IFT140: variants seen among roughly 807,000 people sequenced by gnomAD.
IFT140 encodes intraflagellar transport 140.
A neutral mutation model predicts 164.6 loss-of-function variants in IFT140; 133 were observed. The ratio of observed to expected loss-of-function variants is 0.81; its 90% CI spans 0.70 to 0.93. IFT140 has a LOEUF of 0.93. Among genes scored for constraint, IFT140 ranks in the 40% least tolerant of loss-of-function variants. The pLI is 0.00. For synonymous variants in IFT140, 860 were observed against 817.3 expected (o/e 1.05, Z -0.89); for missense variants, 2,045 against 1,972.3 (o/e 1.04, Z -0.70).
At chr16:1,598,874 C>T (rs1467483784) in intron 4 of IFT140, among the ~76,000 whole-genome samples, 1 of 149,548 alleles carries the variant, frequency 6.7e-6, no homozygotes, top group East Asian at 2.0e-4. Context: ...CCTGGCCGCC[C>T]ATCGTCTGGG....
In IFT140 at chr16:1,525,915, T is replaced by G; in HGVS notation, c.2740A>C (p.Ser914Arg). Residue 914 changes from serine (S) to arginine (R), a missense_variant, in exon 21 of 31, where the codon AGC becomes CGC. Coordinates refer to ENST00000426508, the MANE Select transcript of IFT140 (RefSeq NM_014714.4). ...YHRYAGHLEA[S>R]ADCSRALSYY... ...CTGAGGGCCCGGCTGCAGTCGGCGCTGGCCTCCAGGTGCCCGGCATAGCGG... is the reference window on the plus strand; with the variant it reads ...CTGAGGGCCCGGCTGCAGTCGGCGCGGGCCTCCAGGTGCCCGGCATAGCGG... The G allele has an allele frequency of 1.3e-6, 2 of 1,561,970 alleles. No homozygotes were observed. The highest frequency in any genetic ancestry group is 1.7e-6 in the Non-Finnish European group (2 of 1,155,106).
intron 13 of IFT140, among the ~76,000 whole-genome samples, chr16:1,572,576 G>A (rs949176411): frequency 3.3e-5 from 5 of 152,326 alleles, no homozygotes; most frequent in Admixed American, 6.5e-5. Flanking sequence ...GACCCGGGAG[G>A]TGGAGCTTGC....
Position 1,558,011 on chromosome 16 carries a change from C to A in IFT140, c.2323G>T (p.Ala775Ser). Residue 775 changes from alanine (A) to serine (S), a missense_variant, in exon 19 of 31, where the codon GCC (alanine) becomes TCC (serine). By Grantham distance (99) the Ala-to-Ser change is moderately conservative. Coordinates refer to ENST00000426508, the MANE Select transcript of IFT140 (RefSeq NM_014714.4). ...ACAAAGAAGCTGAAGTGGAGCATGG[C>A]GTCCCGGGTGGCCTTGTCGCAGTCC... ...LEDCDKATRDAMLHFSFFVTI... is the reference protein window; with the variant it reads ...LEDCDKATRDSMLHFSFFVTI... The A allele has an allele frequency of 6.2e-7, 1 of 1,613,946 alleles. No individual in the cohort carries two copies. Among genetic ancestry groups the A allele is most frequent in the Non-Finnish European group, 8.5e-7 (1 of 1,180,044 alleles).
chr16:1,586,184 G>C lies in IFT140; in HGVS notation c.1101C>G (p.Asp367Glu), dbSNP rs1356831625. The C allele has an allele frequency of 6.2e-7, 1 of 1,614,066 alleles. No homozygotes were observed. Among genetic ancestry groups the C allele is most frequent in the Non-Finnish European group, 8.5e-7 (1 of 1,180,018 alleles). ...CGGTAGGGGTCTGAAGGGCCCACCTGTCCTTGCCCTCTGCCCCGGGGCTGC... is the reference window on the plus strand; with the variant it reads ...CGGTAGGGGTCTGAAGGGCCCACCTCTCCTTGCCCTCTGCCCCGGGGCTGC... ...FLGSPGAEGK[D>E]RWALQTPTEL... Residue 367 changes from aspartate (D) to glutamate (E), a missense_variant, in exon 10 of 31, where the codon GAC (aspartate) becomes GAG (glutamate). By Grantham distance (45) the Asp-to-Glu change is conservative (BLOSUM62 2). Coordinates refer to ENST00000426508, the MANE Select transcript of IFT140 (RefSeq NM_014714.4).
chr16:1,534,588 G>A lies in IFT140; in HGVS notation c.2400-7792C>T, dbSNP rs540365410. The A allele has an allele frequency of 2.4e-5, 38 of 1,598,612 alleles. No homozygotes were observed. The South Asian group carries it at 3.6e-4, about 15-fold the overall frequency. On this transcript the variant is annotated intron_variant, in intron 19 of 30. Coordinates refer to ENST00000426508, the MANE Select transcript of IFT140 (RefSeq NM_014714.4). ...CAATTGTTTTCCTGATGCCTTCAGC[G>A]TGGCCGAGGCTCGAGGGCACATGGG...
intron 4 of IFT140, among the ~76,000 whole-genome samples, chr16:1,594,053 T>G (rs1338310009): frequency 6.6e-6 from 1 of 152,222 alleles, no homozygotes; most frequent in African/African-American, 2.4e-5. Flanking sequence ...CTTCCCATGC[T>G]GGGTTATCAT....
chr16:1,562,331 C>T (rs1216879214), intron 17 of IFT140, among the ~76,000 whole-genome samples: 1 of 152,074 alleles, frequency 6.6e-6, no homozygotes, highest in African/African-American at 2.4e-5. Context: ...CGCACCTCGT[C>T]CAGCTTGCGA....
At chr16:1,569,329 C>T (rs2033899877) in intron 14 of IFT140, among the ~76,000 whole-genome samples, 1 of 152,048 alleles carries the variant, frequency 6.6e-6, no homozygotes, top group Non-Finnish European at 1.5e-5. Context: ...TTCTATGGGA[C>T]ACCTGTCTCT....
intron 19 of IFT140, among the ~76,000 whole-genome samples, chr16:1,538,125 G>C (rs972623894): frequency 1.3e-5 from 2 of 152,208 alleles, no homozygotes; most frequent in African/African-American, 4.8e-5. Flanking sequence ...GGGGCAGGCG[G>C]GAGCGTGGCT....
chr16:1,528,464 CAT>C (rs1484878320), intron 19 of IFT140, among the ~76,000 whole-genome samples: 7 of 152,058 alleles, frequency 4.6e-5, no homozygotes, highest in East Asian at 1.9e-4. Flanking sequence ...TGCACACACA[CAT>C]GGATGCACAC....
At chr16:1,554,868 G>A (rs1295007332) in intron 19 of IFT140, 2 of 1,614,168 alleles carry the variant, frequency 1.2e-6, no homozygotes, top group East Asian at 2.2e-5. Flanking sequence ...GAACATTGGC[G>A]CCTGCCTTCT....
rs2033594194 is a variant in IFT140 at position 1,564,284 on chromosome 16, G to C, written c.1902-122C>G. On this transcript the variant is annotated intron_variant, in intron 16 of 30. Transcript: ENST00000426508. The surrounding 1 kb of genome is among the most constrained non-coding windows in gnomAD (Gnocchi z 5.5). ...CCAGACCATGGTGTCCACGCGCTCAGCTCTGGGAGAACTTTTGGGGTCTCA... is the reference window on the plus strand; with the variant it reads ...CCAGACCATGGTGTCCACGCGCTCACCTCTGGGAGAACTTTTGGGGTCTCA... The C allele has an allele frequency of 4.1e-6, 3 of 727,286 alleles. No individual in the cohort carries two copies. Among genetic ancestry groups the C allele is most frequent in the Non-Finnish European group, 6.2e-6 (3 of 487,748 alleles). The allele number at this position is 727,286 out of a possible 1,614,324, so 45.1% of individuals were successfully genotyped here. A position where few individuals can be genotyped will look rare whatever the true frequency, so the allele number is the denominator to read the frequency against.
At chr16:1,527,233 C>T (rs752991075) in intron 19 of IFT140, among the ~76,000 whole-genome samples, 1 of 152,216 alleles carries the variant, frequency 6.6e-6, no homozygotes, top group South Asian at 2.1e-4. Context: ...GACCCTCACC[C>T]GACAGTCTGG....
Position 1,592,421 on chromosome 16 carries a change from C to G in IFT140, c.491+46G>C, listed in dbSNP as rs780413462. ...AGGAGCAGCCCGCTTCCCACCTCCC[C>G]CGATGTAAACACACACACAGGTCAC... On this transcript the variant is annotated intron_variant, in intron 5 of 30. Transcript: ENST00000426508. 2.5e-6 allele frequency: 4 copies of G among 1,611,474 alleles called. No homozygotes were observed. In the South Asian group the frequency reaches 3.3e-5, roughly 13 times the overall value.
chr16:1,524,269 G>A (rs1007009232), intron 24 of IFT140: 103 of 603,778 alleles, frequency 1.7e-4, no homozygotes, highest in Middle Eastern at 8.9e-4. Flanking sequence ...AGGGTCTGCC[G>A]TCTGCAAGGC....
chr16:1,611,025 C>T (rs2036302440), intron 1 of IFT140, among the ~76,000 whole-genome samples, 172 bp from the exon 2 acceptor site: 1 of 152,356 alleles, frequency 6.6e-6, no homozygotes, highest in Admixed American at 6.5e-5. Flanking sequence ...CTTTCCAGCA[C>T]GCGGCGGTCT....
intron 19 of IFT140, among the ~76,000 whole-genome samples, chr16:1,539,149 C>T (rs1417205752): frequency 2.7e-5 from 4 of 150,888 alleles, no homozygotes; most frequent in African/African-American, 9.8e-5. Flanking sequence ...ACGCCTCAGG[C>T]CTCACCAAGC....
intron 19 of IFT140, among the ~76,000 whole-genome samples, chr16:1,555,974 C>T (rs8048382): frequency 0.082 from 12,457 of 152,046 alleles, 621 homozygotes; most frequent in African/African-American, 0.13. Context: ...GGCGTGGTGG[C>T]GGGTGCCTGT....
rs138311751 is a variant in IFT140 at position 1,520,046 on chromosome 16, A to G, written c.3875T>C (p.Val1292Ala). 5.0e-6 allele frequency: 8 copies of G among 1,603,452 alleles called. No individual in the cohort carries two copies. In the African/African-American group the frequency reaches 9.4e-5, roughly 19 times the overall value. Residue 1292 changes from valine (V) to alanine (A), a missense_variant and splice_region_variant, in exon 29 of 31, where the codon GTG (valine) becomes GCG (alanine). By Grantham distance (64) the Val-to-Ala change is moderately conservative. Transcript: ENST00000426508. ...LAGFYDACAQVEIDEYQNYDK... is the reference protein window; with the variant it reads ...LAGFYDACAQAEIDEYQNYDK... ...GTAGTTCTGGTATTCATCAATCTCC[A>G]CCTGTACAGATGAAACCCGTCAAGA...
Sources: allele counts gnomAD v4.1 joint callset (sites outside exome capture counted in the v4.1 genomes callset), GRCh38; gene constraint gnomAD v4.1.1; non-coding constraint Gnocchi (gnomAD v3.1); transcripts MANE v1.5; gene names NCBI Gene and HGNC (gene_info 2026-07-23, HGNC 2026-07-21).